Variants in UGGT1 observed in about 807,000 individuals in gnomAD.
The protein encoded by UGGT1 is UDP-glucose glycoprotein glucosyltransferase 1, also known as UDP-glucose:glycoprotein glucosyltransferase 1.
A neutral mutation model predicts 203.9 loss-of-function variants in UGGT1; 107 were observed. That is an observed-to-expected ratio of 0.52 (90% CI 0.45 to 0.62). UGGT1 has a LOEUF of 0.62. Ranked by LOEUF, UGGT1 falls within the 20% of genes least tolerant of loss-of-function variation. The pLI is 0.00. For missense variants in UGGT1, 1,673 were observed against 1,867.2 expected, an observed-to-expected ratio of 0.90 and a Z score of 1.92; for synonymous variants, 628 against 653.5, an observed-to-expected ratio of 0.96 and a Z score of 0.59.
intron 33 of UGGT1, 52 bp from the exon 34 acceptor site, chr2:128,178,416 T>C: frequency 2.8e-6 from 4 of 1,433,800 alleles, no homozygotes; most frequent in Non-Finnish European, 3.8e-6. Context: ...TCAAAGGCCG[T>C]GTGTCTGTAT....
At chr2:128,105,034 A>T (rs1026347901) in intron 3 of UGGT1, among the ~76,000 whole-genome samples, 2 of 150,726 alleles carry the variant, frequency 1.3e-5, no homozygotes, top group African/African-American at 4.9e-5. Context: ...TCTTCTTTTA[A>T]AATTATTTAA....
At chr2:128,178,067 A>T in intron 33 of UGGT1, 147 bp downstream of exon 33, 2 of 687,256 alleles carry the variant, frequency 2.9e-6, no homozygotes, top group Non-Finnish European at 4.7e-6. Flanking sequence ...TTTGGCATAG[A>T]TGAGTATTTT....
chr2:128,097,692 A>AC, intron 2 of UGGT1, 128 bp downstream of exon 2: 4 of 1,206,030 alleles, frequency 3.3e-6, no homozygotes, highest in Non-Finnish European at 4.6e-6. Flanking sequence ...CTTTCAGTGT[A>AC]TACTGTAGGA....
At chr2:128,159,187 C>T (rs1297031184) in intron 22 of UGGT1, among the ~76,000 whole-genome samples, 1 of 151,026 alleles carries the variant, frequency 6.6e-6, no homozygotes, top group Admixed American at 6.6e-5. Context: ...GCAACCTCCA[C>T]CTCCCGAGTT....
At chr2:128,161,369 G>A in intron 25 of UGGT1, 101 bp downstream of exon 25, 1 of 1,381,822 alleles carries the variant, frequency 7.2e-7, no homozygotes, top group Non-Finnish European at 9.7e-7. Flanking sequence ...ATATCCCAAG[G>A]AGTTTTATTT....
In UGGT1 at chr2:128,095,734, G is replaced by A. The variant is rs1687091632; in HGVS notation, c.59-1695G>A. ...GCTTCTGAAAGCCACTTTTCTATTT[G>A]TTATAATTTATTTTGCTTTTGACCA... On this transcript the variant is annotated intron_variant, in intron 1 of 40. Coordinates refer to ENST00000259253, the MANE Select transcript of UGGT1 (RefSeq NM_020120.4). Among the ~76,000 whole-genome samples the A allele has an allele frequency of 2.0e-5, 3 of 152,184 alleles. No homozygotes were observed. The South Asian group carries it at 6.2e-4, about 32-fold the overall frequency.
chr2:128,113,156 C>G lies in UGGT1; in HGVS notation c.594C>G (p.Phe198Leu). 2 of 1,612,912 alleles carry G rather than the reference C, an allele frequency of 1.2e-6. No homozygotes were observed. The highest frequency in any genetic ancestry group is 1.7e-6 in the Non-Finnish European group (2 of 1,179,408). ...ATCCTGAAAGCCCTGTGGTGATTTT[C>G]TACTCTGAGATTGGCTCTGAGGAAT... ...SSNPESPVVI[F>L]YSEIGSEEFS... is the part of the protein sequence containing the mutation. The change falls in exon 6 of 41, where the codon TTC (phenylalanine) becomes TTG (leucine). Residue 198 changes from phenylalanine to leucine, a missense_variant. Coordinates refer to ENST00000259253, the MANE Select transcript of UGGT1 (RefSeq NM_020120.4).
chr2:128,147,025 A>AG (rs751129495), intron 18 of UGGT1, among the ~76,000 whole-genome samples: 2 of 152,142 alleles, frequency 1.3e-5, no homozygotes, highest in Admixed American at 6.6e-5. Flanking sequence ...GTGTGTCCTA[A>AG]GGGGCTCACC....
At chr2:128,105,598 T>C (rs971290617) in intron 3 of UGGT1, among the ~76,000 whole-genome samples, 2 of 152,096 alleles carry the variant, frequency 1.3e-5, no homozygotes, top group African/African-American at 4.8e-5. Flanking sequence ...CACTGCAATC[T>C]CTGCCACTTG....
At chr2:128,138,527 A>T (rs543337439) in intron 15 of UGGT1, among the ~76,000 whole-genome samples, 190 bp from the exon 16 acceptor site, 2 of 152,194 alleles carry the variant, frequency 1.3e-5, no homozygotes, top group African/African-American at 4.8e-5. Context: ...AAAAAAAAAA[A>T]ACCTTTGTAA....
intron 24 of UGGT1, 77 bp from the exon 25 acceptor site, chr2:128,161,061 G>T (rs569538335): frequency 1.3e-6 from 2 of 1,562,834 alleles, no homozygotes; most frequent in African/African-American, 2.7e-5. Context: ...GCCTGAGGAC[G>T]CCAGAGGGTT....
chr2:128,177,855 G>A lies in UGGT1; in HGVS notation c.3648G>A (p.Val1216=). 6.2e-7 allele frequency: 1 copy of A among 1,602,212 alleles called. No individual in the cohort carries two copies. Among genetic ancestry groups the A allele is most frequent in the Non-Finnish European group, 8.5e-7 (1 of 1,174,810 alleles). The part of the protein sequence containing the change: ...KVKVQKKADM[V]NEDLLSDGTS... ...AGGTTCAGAAGAAGGCAGATATGGT[G>A]AACGAAGACTTGCTGAGTGATGGAA... Residue 1216 remains valine, a synonymous_variant, in exon 33 of 41, where the codon GTG becomes GTA. Coordinates refer to ENST00000259253, the MANE Select transcript of UGGT1 (RefSeq NM_020120.4).
At chr2:128,127,087 C>A (rs1468443762) in intron 11 of UGGT1, among the ~76,000 whole-genome samples, 2 of 152,206 alleles carry the variant, frequency 1.3e-5, no homozygotes, top group East Asian at 3.9e-4. Flanking sequence ...ACAATTGATA[C>A]ACCTTTCCAT....
rs548021418 is a variant in UGGT1, at chr2:128,091,303, C to T, written c.-55C>T. 6.7e-7 allele frequency: 1 copy of T among 1,487,534 alleles called. No individual in the cohort carries two copies. The highest frequency in any genetic ancestry group is 9.0e-7 in the Non-Finnish European group (1 of 1,115,084). 92.1% of individuals were successfully genotyped at this position (1,487,534 alleles called of 1,614,324 possible). The stretch of plus-strand genomic sequence containing the variant: ...CCTGCACTGCCGCTGCCGCCTCGCC[C>T]CGCCCTGCCCTGGCGTTGTCTCTGG... On this transcript the variant is annotated 5_prime_UTR_variant, in exon 1 of 41. Coordinates refer to ENST00000259253, the MANE Select transcript of UGGT1 (RefSeq NM_020120.4).
chr2:128,116,122 TAGTC>T (rs528386972), intron 7 of UGGT1, 139 bp from the exon 8 acceptor site: 5 of 545,378 alleles, frequency 9.2e-6, no homozygotes, highest in East Asian at 5.9e-5. Flanking sequence ...GTAATTGTGA[TAGTC>T]AGCATTTTAA....
At chr2:128,093,964 T>G (rs139236703) in intron 1 of UGGT1, among the ~76,000 whole-genome samples, 21 of 152,302 alleles carry the variant, frequency 1.4e-4, no homozygotes, top group Non-Finnish European at 2.9e-4. Context: ...TAACACTGTG[T>G]ATGTAAAGCA....
At chr2:128,102,628 C>T (rs866003382) in intron 2 of UGGT1, among the ~76,000 whole-genome samples, 4 of 152,126 alleles carry the variant, frequency 2.6e-5, no homozygotes, top group South Asian at 2.1e-4. Context: ...CAAGTTTAGA[C>T]CTTGTAAGAC....
chr2:128,160,336 A>G (rs897313170), intron 23 of UGGT1, 124 bp from the exon 24 acceptor site: 1 of 1,007,868 alleles, frequency 9.9e-7, no homozygotes, highest in Non-Finnish European at 1.4e-6. Flanking sequence ...TCTTAATGTT[A>G]ATTATGAAAA....
intron 1 of UGGT1, among the ~76,000 whole-genome samples, chr2:128,092,991 A>C (rs971332117): frequency 2.0e-5 from 3 of 152,202 alleles, no homozygotes; most frequent in African/African-American, 7.2e-5. Flanking sequence ...TCAGAATGAT[A>C]AGGGATCCTA....
Sources: gnomAD v4.1 joint callset for allele counts (sites outside exome capture counted in the v4.1 genomes callset) on GRCh38, gnomAD v4.1.1 for gene constraint, MANE v1.5 for transcripts, NCBI Gene and HGNC (gene_info 2026-07-23, HGNC 2026-07-21) for gene names.